The following TMEM217B variants were observed in gnomAD, a reference collection of about 807,000 sequenced individuals.
TMEM217B encodes the protein transmembrane protein 217B.
At chr6:37,213,246 C>T in the TMEM217B span, among the ~76,000 whole-genome samples, 1 of 152,216 alleles carries the variant, frequency 6.6e-6, no homozygotes, top group African/African-American at 2.4e-5. Flanking sequence ...TTCTGCTGTT[C>T]CAGCTTCAGC....
the TMEM217B span, among the ~76,000 whole-genome samples, chr6:37,235,777 C>G: frequency 1.3e-5 from 2 of 152,186 alleles, no homozygotes; most frequent in African/African-American, 4.8e-5. Flanking sequence ...TTGCTGTGTC[C>G]TCACAGGGAG....
chr6:37,213,604 C>T, the TMEM217B span, among the ~76,000 whole-genome samples: 1 of 152,226 alleles, frequency 6.6e-6, no homozygotes, highest in Non-Finnish European at 1.5e-5. Flanking sequence ...TAACAATAAG[C>T]CACCATTGTG....
At chr6:37,240,023 G>A in the TMEM217B span, among the ~76,000 whole-genome samples, 3 of 152,124 alleles carry the variant, frequency 2.0e-5, no homozygotes. Flanking sequence ...CACTTGGTCA[G>A]TAGCCTCTGG....
At chr6:37,255,683 CAAAA>C in the TMEM217B span, among the ~76,000 whole-genome samples, 1 of 102,448 alleles carries the variant, frequency 9.8e-6, no homozygotes, top group Non-Finnish European at 2.1e-5. Context: ...GACCTGGTCT[CAAAA>C]AAAAAAAAAA....
the TMEM217B span, among the ~76,000 whole-genome samples, chr6:37,242,464 T>C: frequency 6.6e-6 from 1 of 152,218 alleles, no homozygotes; most frequent in Non-Finnish European, 1.5e-5. Flanking sequence ...AAAACAAAAG[T>C]TCTTTAACTC....
At chr6:37,238,092 C>G in the TMEM217B span, among the ~76,000 whole-genome samples, 3 of 151,172 alleles carry the variant, frequency 2.0e-5, no homozygotes, top group Non-Finnish European at 4.4e-5. Flanking sequence ...CATGCATGGA[C>G]CAATGAGGGT....
the TMEM217B span, among the ~76,000 whole-genome samples, chr6:37,240,140 C>T: frequency 1.3e-5 from 2 of 152,162 alleles, no homozygotes; most frequent in Non-Finnish European, 2.9e-5. Flanking sequence ...TTGTATTAGT[C>T]ACTATTGCTC....
the TMEM217B span, chr6:37,257,819 G>T: frequency 5.1e-4 from 698 of 1,369,474 alleles, no homozygotes; most frequent in Non-Finnish European, 6.4e-4. Flanking sequence ...GACCGGCGGC[G>T]GGGAAGCGGC....
the TMEM217B span, among the ~76,000 whole-genome samples, chr6:37,256,968 G>C: frequency 6.6e-6 from 1 of 152,132 alleles, no homozygotes; most frequent in South Asian, 2.1e-4. Context: ...AAATTCAAGG[G>C]TGCAAGATTT....
the TMEM217B span, among the ~76,000 whole-genome samples, chr6:37,228,969 C>A: frequency 6.6e-6 from 1 of 151,746 alleles, no homozygotes; most frequent in South Asian, 2.1e-4. Context: ...TGCACTCCAG[C>A]CTGGGTGACA....
chr6:37,235,427 G>A, the TMEM217B span, among the ~76,000 whole-genome samples: 1 of 152,002 alleles, frequency 6.6e-6, no homozygotes, highest in Non-Finnish European at 1.5e-5. Context: ...GTGCAGTGGT[G>A]CCATCTCGGC....
chr6:37,226,450 G>A, the TMEM217B span, among the ~76,000 whole-genome samples: 5 of 150,724 alleles, frequency 3.3e-5, no homozygotes, highest in Middle Eastern at 3.5e-3. Flanking sequence ...CTGCCACGGC[G>A]CCCAGCTAAT....
the TMEM217B span, among the ~76,000 whole-genome samples, chr6:37,236,862 C>A: frequency 3.9e-5 from 6 of 152,086 alleles, no homozygotes; most frequent in African/African-American, 1.4e-4. Flanking sequence ...AACTTTGTAG[C>A]CTCTCCTAGA....
chr6:37,246,985 T>G, the TMEM217B span, among the ~76,000 whole-genome samples: 1 of 152,090 alleles, frequency 6.6e-6, no homozygotes. Flanking sequence ...GGTTAGGAGT[T>G]TGGATTTCAT....
At chr6:37,235,953 C>G in the TMEM217B span, among the ~76,000 whole-genome samples, 2 of 152,072 alleles carry the variant, frequency 1.3e-5, no homozygotes, top group Admixed American at 6.6e-5. Flanking sequence ...TTGGAGGGGT[C>G]AAACACATTC....
the TMEM217B span, chr6:37,217,990 C>A: frequency 8.1e-6 from 8 of 989,522 alleles, 1 homozygote; most frequent in East Asian, 9.0e-4. Flanking sequence ...TGATTATAAT[C>A]ACATTTTCTC....
the TMEM217B span, chr6:37,257,802 A>T: frequency 3.5e-6 from 4 of 1,141,484 alleles, no homozygotes; most frequent in African/African-American, 6.2e-5. Context: ...AGGAGCTGGG[A>T]GCGGGTGACC....
chr6:37,246,868 G>A, the TMEM217B span, among the ~76,000 whole-genome samples: 9 of 150,436 alleles, frequency 6.0e-5, no homozygotes, highest in Non-Finnish European at 8.8e-5. Context: ...GTGCCACTGC[G>A]TTCTAGCCTG....
chr6:37,245,599 A>G, the TMEM217B span, among the ~76,000 whole-genome samples: 1 of 152,174 alleles, frequency 6.6e-6, no homozygotes. Context: ...TGAGTTTCAT[A>G]GAGTGGGAAA....
Sources: allele counts gnomAD v4.1 joint callset (sites outside exome capture counted in the v4.1 genomes callset), GRCh38; gene constraint gnomAD v4.1.1; transcripts MANE v1.5; gene names NCBI Gene and HGNC (gene_info 2026-07-23, HGNC 2026-07-21).